Variants in ARHGEF11 observed in about 807,000 individuals in gnomAD.
ARHGEF11 encodes Rho guanine exchange factor (GEF) 11.
A neutral mutation model predicts 193.7 loss-of-function variants in ARHGEF11; 55 were observed. The observed-to-expected ratio is 0.28, with a 90% CI of 0.23 to 0.36. The LOEUF is 0.36. Ranked by LOEUF, ARHGEF11 falls within the 10% of genes least tolerant of loss-of-function variation. The pLI, the probability that ARHGEF11 is intolerant of heterozygous loss-of-function variation, is 1.00. For synonymous variants in ARHGEF11, 693 were observed against 768.0 expected, an observed-to-expected ratio of 0.90 and a Z score of 1.62; for missense variants, 1,723 against 2,005.6, an observed-to-expected ratio of 0.86 and a Z score of 2.69.
chr1:156,940,227 G>T lies in ARHGEF11; in HGVS notation c.3713C>A (p.Ala1238Asp). The stretch of plus-strand genomic sequence containing the variant: ...CTCACCATCTTCCAGAGCGGAGTCA[G>T]CGAGCCCTTCCATGAACAGAGGGCC... Reference protein sequence around the residue: ...FPGPLFMEGLADSALEDVENL... With the variant: ...FPGPLFMEGLDDSALEDVENL... Residue 1238 changes from alanine (A) to aspartate (D), a missense_variant, in exon 36 of 41, where the codon GCT (alanine) becomes GAT (aspartate). Ala to Asp is a moderately radical substitution (Grantham distance 126). Around this residue, in one of 5 missense-constraint regions of ARHGEF11, gnomAD observed 203 missense variants for 237.3 expected, o/e 0.86. Transcript: ENST00000368194. The T allele has an allele frequency of 6.3e-7, 1 of 1,593,626 alleles. No individual in the cohort carries two copies. The highest frequency in any genetic ancestry group is 8.6e-7 in the Non-Finnish European group (1 of 1,166,918).
intron 1 of ARHGEF11, among the ~76,000 whole-genome samples, chr1:157,039,630 A>T (rs1672487328): frequency 6.6e-6 from 1 of 152,176 alleles, no homozygotes; most frequent in Admixed American, 6.5e-5. Context: ...ATAGTGATTG[A>T]CAAAAGAAGG....
At chr1:156,954,445 GA>G (rs1391094273) in intron 21 of ARHGEF11, among the ~76,000 whole-genome samples, 3 of 135,688 alleles carry the variant, frequency 2.2e-5, no homozygotes, top group East Asian at 2.3e-4. Flanking sequence ...TTCACTGTAA[GA>G]CCCTTCAATG....
At chr1:156,968,459 C>T (rs887776117) in intron 10 of ARHGEF11, among the ~76,000 whole-genome samples, 1 of 152,208 alleles carries the variant, frequency 6.6e-6, no homozygotes, top group African/African-American at 2.4e-5. Context: ...ACACACTCTT[C>T]ATCACCAACT....
intron 31 of ARHGEF11, 50 bp downstream of exon 31, chr1:156,944,308 A>T (rs766713524): frequency 6.3e-7 from 1 of 1,580,128 alleles, no homozygotes; most frequent in South Asian, 1.1e-5. Context: ...GAGCCCAGGG[A>T]GGCCCACCCA....
intron 1 of ARHGEF11, among the ~76,000 whole-genome samples, chr1:156,995,424 A>G (rs1484342043): frequency 2.0e-5 from 3 of 152,134 alleles, no homozygotes; most frequent in African/African-American, 7.2e-5. Flanking sequence ...CTCATTCCTC[A>G]GCGTTCAGCT....
At chr1:157,010,910 T>C (rs902254500) in intron 1 of ARHGEF11, among the ~76,000 whole-genome samples, 1 of 152,154 alleles carries the variant, frequency 6.6e-6, no homozygotes, top group African/African-American at 2.4e-5. Flanking sequence ...GAGTGGAAGA[T>C]TTAAGATAGT....
At chr1:156,965,372 G>T (rs1661546813) in intron 11 of ARHGEF11, among the ~76,000 whole-genome samples, 1 of 152,184 alleles carries the variant, frequency 6.6e-6, no homozygotes, top group East Asian at 1.9e-4. Flanking sequence ...GGATAGGAAA[G>T]AGCTCCGTGT....
intron 6 of ARHGEF11, 133 bp downstream of exon 6, chr1:156,978,071 A>T (rs1233279087): frequency 2.2e-6 from 3 of 1,371,956 alleles, no homozygotes; most frequent in Non-Finnish European, 2.9e-6. Context: ...CAACTCTTTC[A>T]ATGGTCTTTC....
intron 1 of ARHGEF11, among the ~76,000 whole-genome samples, chr1:157,013,294 CACACA>C (rs1478848216): frequency 4.6e-5 from 7 of 150,902 alleles, no homozygotes; most frequent in Non-Finnish European, 7.4e-5. Flanking sequence ...CACACACACA[CACACA>C]CCAAGAACCT....
intron 26 of ARHGEF11, 63 bp downstream of exon 26, chr1:156,947,241 C>A: frequency 6.4e-7 from 1 of 1,555,520 alleles, no homozygotes. Flanking sequence ...GCAGTGGGGC[C>A]AAAGTGGAAC....
At chr1:157,014,635 G>T (rs144763928) in intron 1 of ARHGEF11, among the ~76,000 whole-genome samples, 1 of 152,016 alleles carries the variant, frequency 6.6e-6, no homozygotes, top group African/African-American at 2.4e-5. Context: ...CGTCTACATC[G>T]ACTGTCTCCA....
chr1:157,013,216 C>T (rs1423915120), intron 1 of ARHGEF11, among the ~76,000 whole-genome samples: 1 of 145,406 alleles, frequency 6.9e-6, no homozygotes, highest in Non-Finnish European at 1.5e-5. Context: ...TCCCTTCCAT[C>T]ATGTACTTGG....
At chr1:156,994,867 C>A (rs975442909) in intron 1 of ARHGEF11, among the ~76,000 whole-genome samples, 1 of 151,802 alleles carries the variant, frequency 6.6e-6, no homozygotes, top group Non-Finnish European at 1.5e-5. Flanking sequence ...AGGGTAATTG[C>A]GAGGACCAAA....
chr1:156,981,868 A>G (rs1020931310), intron 3 of ARHGEF11, among the ~76,000 whole-genome samples: 1 of 152,268 alleles, frequency 6.6e-6, no homozygotes, highest in East Asian at 1.9e-4. Context: ...AATGAGAAGC[A>G]TAAAAATTAC....
In ARHGEF11 at chr1:156,963,222, T is replaced by A; in HGVS notation, c.1121A>T (p.Gln374Leu). The A allele has an allele frequency of 6.2e-7, 1 of 1,613,918 alleles. No homozygotes were observed. The highest frequency in any genetic ancestry group is 8.5e-7 in the Non-Finnish European group (1 of 1,179,844). The change falls in exon 13 of 41, where the codon CAG becomes CTG. Residue 374 changes from glutamine (Q) to leucine (L), a missense_variant. By Grantham distance (113) the Gln-to-Leu change is moderately radical. This residue lies in a region of ARHGEF11 where 646 missense variants were observed against 710.7 expected (regional missense o/e 0.91). Transcript: ENST00000368194. Reference protein sequence around the residue: ...LGVFLRYIFSQADPSPLLFYL... With the variant: ...LGVFLRYIFSLADPSPLLFYL... Reference sequence around the variant, plus strand: ...ACTTACCAGTGGACTGGGGTCCGCCTGAGAGAAGATGTAACGTAGAAAAAC... The same window carrying A: ...ACTTACCAGTGGACTGGGGTCCGCCAGAGAGAAGATGTAACGTAGAAAAAC...
rs751038201 is a variant in ARHGEF11 at position 156,971,855 on chromosome 1, G to A, written c.583-39C>T. 1.9e-6 allele frequency: 3 copies of A among 1,593,942 alleles called. No individual in the cohort carries two copies. The Admixed American group carries it at 5.0e-5, about 27-fold the overall frequency. On this transcript the variant is annotated intron_variant, in intron 7 of 40. Coordinates refer to ENST00000368194, the MANE Select transcript of ARHGEF11 (RefSeq NM_198236.3). ...AGGAGGAGAAGGGGGAGGGGAAAAG[G>A]CAGAGGGGTGGTTAATAGAGAATGG... is the stretch of plus-strand genomic sequence containing the variant.
chr1:156,973,620 C>T (rs6670563), intron 7 of ARHGEF11, among the ~76,000 whole-genome samples: 29,657 of 152,066 alleles, frequency 0.2, 3,042 homozygotes, highest in East Asian at 0.33. Flanking sequence ...TCATGGGCAC[C>T]TTACACTAGT....
intron 1 of ARHGEF11, among the ~76,000 whole-genome samples, chr1:157,015,253 C>G (rs1669066928): frequency 6.6e-6 from 1 of 152,204 alleles, no homozygotes; most frequent in Admixed American, 6.5e-5. Flanking sequence ...TAGGGCCACA[C>G]TGCCTAGATC....
chr1:156,942,677 A>C lies in ARHGEF11; in HGVS notation c.3326+13T>G, dbSNP rs1657284191. ...GGACCACAGTTACGGGTAACCCCTC[A>C]ATCAATTCTCACGTGTTCTTGTCTG... On this transcript the variant is annotated intron_variant, in intron 33 of 40. Coordinates refer to ENST00000368194, the MANE Select transcript of ARHGEF11 (RefSeq NM_198236.3). 1.2e-6 allele frequency: 2 copies of C among 1,612,304 alleles called. No individual in the cohort carries two copies. The highest frequency in any genetic ancestry group is 4.5e-5 in the East Asian group (2 of 44,850).
Sources: gnomAD v4.1 joint callset for allele counts (sites outside exome capture counted in the v4.1 genomes callset) on GRCh38, gnomAD v4.1.1 for gene constraint, gnomAD v4.1.1 regional missense constraint, MANE v1.5 for transcripts, NCBI Gene and HGNC (gene_info 2026-07-23, HGNC 2026-07-21) for gene names.